ADAMTS15: variants seen among roughly 807,000 people sequenced by gnomAD.
ADAMTS15 encodes the protein ADAM metallopeptidase with thrombospondin type 1 motif 15.
Under a neutral mutation model 79.1 loss-of-function variants are expected in ADAMTS15, and 35 were observed. The ratio of observed to expected loss-of-function variants is 0.44; its 90% CI spans 0.34 to 0.59. ADAMTS15 has a LOEUF of 0.59. Ranked by LOEUF, ADAMTS15 falls within the 20% of genes least tolerant of loss-of-function variation. The pLI, the probability that ADAMTS15 is intolerant of heterozygous loss-of-function variation, is 0.02. For missense variants in ADAMTS15, 1,324 were observed against 1,318.7 expected, an observed-to-expected ratio of 1.00 and a Z score of -0.06; for synonymous variants, 616 against 567.3, an observed-to-expected ratio of 1.09 and a Z score of -1.22.
chr11:130,452,616 T>G (rs1937988345), intron 1 of ADAMTS15, among the ~76,000 whole-genome samples: 1 of 152,242 alleles, frequency 6.6e-6, no homozygotes, highest in Non-Finnish European at 1.5e-5. Context: ...GTACACTCTT[T>G]TAATACTTGT....
intron 7 of ADAMTS15, 74 bp downstream of exon 7, chr11:130,471,457 T>G: frequency 6.5e-7 from 1 of 1,533,960 alleles, no homozygotes; most frequent in Non-Finnish European, 8.7e-7. Context: ...TATTGGAAGC[T>G]TGGGTTAGAC....
intron 1 of ADAMTS15, among the ~76,000 whole-genome samples, chr11:130,457,126 G>A (rs1022151487): frequency 5.3e-5 from 8 of 151,870 alleles, no homozygotes; most frequent in African/African-American, 1.5e-4. Flanking sequence ...CCAGCTGCTC[G>A]GGAGGCTGAG....
Position 130,473,210 on chromosome 11 carries a change from C to G in ADAMTS15, c.2242C>G (p.Arg748Gly), listed in dbSNP as rs776473666. ...NGHFVVSAVE[R>G]DLVVKGSLLR... ...GCATTTCGTGGTGTCGGCGGTGGAG[C>G]GGGACCTGGTGGTGAAGGGCAGTCT... The change falls in exon 8 of 8, where the codon CGG (arginine) becomes GGG (glycine). Residue 748 changes from arginine to glycine, a missense_variant. Arg to Gly is a moderately radical substitution (Grantham distance 125). Transcript: ENST00000299164. 3 of 1,613,818 alleles carry G rather than the reference C, an allele frequency of 1.9e-6. No homozygotes were observed. The highest frequency in any genetic ancestry group is 1.7e-6 in the Non-Finnish European group (2 of 1,180,036).
rs71470661 is a variant in ADAMTS15 at position 130,465,877 on chromosome 11, T to C, written c.1542+3097T>C. ...CTTTTTTCTTTTCTTTTCTTTCTTTTTTTTTTTTTTTAAGACAAGAGTTTC... is the reference window on the plus strand; with the variant it reads ...CTTTTTTCTTTTCTTTTCTTTCTTTCTTTTTTTTTTTAAGACAAGAGTTTC... On this transcript the variant is annotated intron_variant, in intron 4 of 7. Coordinates refer to ENST00000299164, the MANE Select transcript of ADAMTS15 (RefSeq NM_139055.4). Among the ~76,000 whole-genome samples the C allele has an allele frequency of 1.4e-3, 138 of 99,708 alleles. 2 individuals carry two copies. The highest frequency in any genetic ancestry group is 1.0e-2 in the Admixed American group (113 of 11,338). The allele number at this position is 99,708 out of a possible 152,430, so 65.4% of individuals were successfully genotyped here.
intron 5 of ADAMTS15, among the ~76,000 whole-genome samples, chr11:130,470,151 T>TATATATACACAC (rs1565397596): frequency 1.8e-5 from 1 of 56,334 alleles, no homozygotes; most frequent in African/African-American, 8.1e-5. Flanking sequence ...TATATATATA[T>TATATATACACAC]GTGTATATAT....
chr11:130,462,320 G>T lies in ADAMTS15; in HGVS notation c.1258+66G>T. ...GGGGGCTTTGCTGCTGCCCCTGGTG[G>T]AGGTGCTCACTTCTCCGTCCTCTGT... On this transcript the variant is annotated intron_variant, in intron 3 of 7. Coordinates refer to ENST00000299164, the MANE Select transcript of ADAMTS15 (RefSeq NM_139055.4). The surrounding 1 kb of genome is among the most constrained non-coding windows in gnomAD (Gnocchi z 4.3). The T allele has an allele frequency of 6.5e-7, 1 of 1,538,360 alleles. No homozygotes were observed. The highest frequency in any genetic ancestry group is 2.3e-5 in the East Asian group (1 of 42,802).
intron 4 of ADAMTS15, among the ~76,000 whole-genome samples, chr11:130,468,636 G>A (rs1038344655): frequency 2.0e-5 from 3 of 151,330 alleles, no homozygotes; most frequent in African/African-American, 7.3e-5. Context: ...GTGGTGGCGG[G>A]CGCCTGTAAT....
chr11:130,460,464 A>G (rs755190654), intron 1 of ADAMTS15, among the ~76,000 whole-genome samples: 5 of 152,008 alleles, frequency 3.3e-5, no homozygotes, highest in Admixed American at 6.6e-5. Flanking sequence ...TGTAGTAGAG[A>G]TGGGGTTTCG....
chr11:130,449,306 G>A lies in ADAMTS15; in HGVS notation c.333G>A (p.Pro111=), dbSNP rs201987156. 2.0e-5 allele frequency: 32 copies of A among 1,610,758 alleles called. No homozygotes were observed. Among genetic ancestry groups the A allele is most frequent in the Middle Eastern group, 3.3e-4 (2 of 6,082 alleles). ...CFYSGDVNAE[P]DSFAAVSLCG... Reference sequence around the variant, plus strand: ...ATTCTGGGGACGTGAACGCCGAGCCGGACTCGTTCGCTGCTGTGAGCCTGT... The same window carrying A: ...ATTCTGGGGACGTGAACGCCGAGCCAGACTCGTTCGCTGCTGTGAGCCTGT... The change falls in exon 1 of 8, where the codon CCG becomes CCA. Residue 111 remains proline, a synonymous_variant. Transcript: ENST00000299164. This position sits in a 1 kb window ranked among gnomAD's most constrained non-coding sequence, Gnocchi z 7.8.
chr11:130,473,577 C>G lies in ADAMTS15; in HGVS notation c.2609C>G (p.Ala870Gly). The G allele has an allele frequency of 6.2e-7, 1 of 1,603,770 alleles. No individual in the cohort carries two copies. Residue 870 changes from alanine (A) to glycine (G), a missense_variant, in exon 8 of 8, where the codon GCC becomes GGC. Physicochemically the swap from Ala to Gly is moderately conservative, Grantham distance 60. Transcript: ENST00000299164. ...CGGGCGGTGGACTGCCGGGGCTCCG[C>G]CGGGCAGCGCACGGTCCCTGCCTGT... is the stretch of plus-strand genomic sequence containing the variant. ...QKRAVDCRGSAGQRTVPACDA... is the reference protein window; with the variant it reads ...QKRAVDCRGSGGQRTVPACDA...
intron 4 of ADAMTS15, among the ~76,000 whole-genome samples, chr11:130,467,022 C>T (rs4471430): frequency 6.6e-6 from 1 of 152,100 alleles, no homozygotes; most frequent in Non-Finnish European, 1.5e-5. Context: ...TCTGTCTCCC[C>T]ACTAGGGAGT....
rs1274483280 is a variant in ADAMTS15 at position 130,472,642 on chromosome 11, C to T, written c.2079-405C>T. Among the ~76,000 whole-genome samples, 2 of 152,196 alleles carry T rather than the reference C, an allele frequency of 1.3e-5. No individual in the cohort carries two copies. ...TCTCACTGCATTGAGCTCCTAGCCT[C>T]AGGCTCTGGGATGGTGGACTTACTC... On this transcript the variant is annotated intron_variant, in intron 7 of 7. Coordinates refer to ENST00000299164, the MANE Select transcript of ADAMTS15 (RefSeq NM_139055.4). This position sits in a 1 kb window ranked among gnomAD's most constrained non-coding sequence, Gnocchi z 4.7.
intron 7 of ADAMTS15, among the ~76,000 whole-genome samples, 162 bp downstream of exon 7, chr11:130,471,545 T>C (rs1938459846): frequency 6.6e-6 from 1 of 151,928 alleles, no homozygotes; most frequent in Admixed American, 6.6e-5. Flanking sequence ...AGTCCTTCAC[T>C]CACTCATTCA....
In ADAMTS15 at chr11:130,471,266, G is replaced by T. The variant is rs1262489000; in HGVS notation, c.1961G>T (p.Cys654Phe). ...ACCTCCGTCTGTGTCCAAGGCAAGT[G>T]CATCAAGGCTGGCTGTGATGGGAAC... ...DSTSVCVQGK[C>F]IKAGCDGNLG... The change falls in exon 7 of 8, where the codon TGC becomes TTC. Residue 654 changes from cysteine (C) to phenylalanine (F), a missense_variant. Coordinates refer to ENST00000299164, the MANE Select transcript of ADAMTS15 (RefSeq NM_139055.4). 6.2e-7 allele frequency: 1 copy of T among 1,612,800 alleles called. No individual in the cohort carries two copies. Among genetic ancestry groups the T allele is most frequent in the Non-Finnish European group, 8.5e-7 (1 of 1,179,712 alleles).
At chr11:130,459,995 G>A (rs931581375) in intron 1 of ADAMTS15, among the ~76,000 whole-genome samples, 2 of 152,194 alleles carry the variant, frequency 1.3e-5, no homozygotes, top group African/African-American at 4.8e-5. Flanking sequence ...AGTAATAGTC[G>A]TTATTTCAGT....
chr11:130,457,788 G>A (rs957609151), intron 1 of ADAMTS15, among the ~76,000 whole-genome samples: 3 of 152,188 alleles, frequency 2.0e-5, no homozygotes, highest in African/African-American at 7.2e-5. Context: ...CCCTGTATAA[G>A]CACTCGTAGG....
At position 130,449,783 on chromosome 11, in the gene ADAMTS15, GCTT is replaced by G; in HGVS notation, c.814_816del (p.Leu272del). The G allele has an allele frequency of 6.2e-7, 1 of 1,612,252 alleles. No individual in the cohort carries two copies. Among genetic ancestry groups the G allele is most frequent in the East Asian group, 2.2e-5 (1 of 44,886 alleles). On this transcript the variant is annotated inframe_deletion, in exon 1 of 8. Transcript: ENST00000299164. The surrounding 1 kb of genome is among the most constrained non-coding windows in gnomAD (Gnocchi z 7.8). ...TCAACATCGTTGTGGTCAAGGTGCT[GCTT>G]CTTAGAGATCGTGACTCCGGGCCCA...
At chr11:130,470,147 T>TACAC (rs1211204434) in intron 5 of ADAMTS15, among the ~76,000 whole-genome samples, 15 of 61,698 alleles carry the variant, frequency 2.4e-4, no homozygotes, top group African/African-American at 7.6e-4. Context: ...TATATATATA[T>TACAC]ATATGTGTAT....
chr11:130,449,464 G>T lies in ADAMTS15; in HGVS notation c.491G>T (p.Gly164Val). Residue 164 changes from glycine (G) to valine (V), a missense_variant, in exon 1 of 8, where the codon GGC becomes GTC. Coordinates refer to ENST00000299164, the MANE Select transcript of ADAMTS15 (RefSeq NM_139055.4). This position sits in a 1 kb window ranked among gnomAD's most constrained non-coding sequence, Gnocchi z 7.8. Reference protein sequence around the residue: ...AHLLQRRGVPGGPSGDPTSRC... With the variant: ...AHLLQRRGVPVGPSGDPTSRC... ...CTTCTCCAGCGCCGGGGTGTTCCGG[G>T]CGGGCCTTCCGGAGACCCCACCTCT... is the stretch of plus-strand genomic sequence containing the variant. 2 of 1,572,568 alleles carry T rather than the reference G, an allele frequency of 1.3e-6. No individual in the cohort carries two copies. The highest frequency in any genetic ancestry group is 1.7e-6 in the Non-Finnish European group (2 of 1,163,056).
Sources: allele counts gnomAD v4.1 joint callset (sites outside exome capture counted in the v4.1 genomes callset), GRCh38; gene constraint gnomAD v4.1.1; non-coding constraint Gnocchi (gnomAD v3.1); transcripts MANE v1.5; gene names NCBI Gene and HGNC (gene_info 2026-07-23, HGNC 2026-07-21).